Variants in CSMD1 observed in about 807,000 individuals in gnomAD.
CSMD1 encodes CUB and sushi domain-containing protein 1.
CSMD1 carries 213 observed loss-of-function variants against 417.5 expected under a neutral mutation model. That is an observed-to-expected ratio of 0.51 (90% CI 0.46 to 0.57). The LOEUF is 0.57. CSMD1 is among the 20% of genes least tolerant of loss of function. The probability of loss-of-function intolerance (pLI) is 0.00; values close to 1 mark genes in which losing one functional copy is unlikely to be tolerated. For synonymous variants in CSMD1, 2,862 were observed against 1,736.8 expected (o/e 1.65, Z -16.11); for missense variants, 6,923 against 4,529.7 (o/e 1.53, Z -15.17).
At chr8:3,307,120 T>A (rs1503279) in intron 25 of CSMD1, among the ~76,000 whole-genome samples, 4 of 152,108 alleles carry the variant, frequency 2.6e-5, no homozygotes, top group Non-Finnish European at 5.9e-5. Context: ...AAAAGAACAG[T>A]AGAGTGTATT....
chr8:4,781,359 T>C (rs1797143402), intron 1 of CSMD1, among the ~76,000 whole-genome samples: 1 of 152,200 alleles, frequency 6.6e-6, no homozygotes, highest in African/African-American at 2.4e-5. Context: ...AAGAGATCCC[T>C]TTCTAGATCA....
At chr8:4,952,297 C>G (rs1278163316) in intron 1 of CSMD1, among the ~76,000 whole-genome samples, 1 of 151,714 alleles carries the variant, frequency 6.6e-6, no homozygotes, top group Non-Finnish European at 1.5e-5. Context: ...ATATTATAAT[C>G]AAGTTAATTA....
chr8:3,129,193 T>C (rs2129025320), intron 41 of CSMD1, among the ~76,000 whole-genome samples: 1 of 152,284 alleles, frequency 6.6e-6, no homozygotes, highest in East Asian at 1.9e-4. Flanking sequence ...GACTCTGCTA[T>C]TGCAGGAGAA....
Position 4,415,855 on chromosome 8 carries a change from G to A in CSMD1, c.415+4098C>T, listed in dbSNP as rs150462800. The stretch of plus-strand genomic sequence containing the variant: ...TGTATGTGTGTATACGTAAATAAAC[G>A]TAATATATACAAGAGGAAACAGTGA... On this transcript the variant is annotated intron_variant, in intron 3 of 69. Transcript: ENST00000635120. 3.5e-3 allele frequency among the ~76,000 whole-genome samples: 529 copies of A among 152,240 alleles called. 3 individuals are homozygous for A. Among genetic ancestry groups the A allele is most frequent in the Middle Eastern group, 0.017 (5 of 294 alleles).
chr8:3,308,520 C>A lies in CSMD1; in HGVS notation c.3632-17G>T. On this transcript the variant is annotated splice_polypyrimidine_tract_variant and intron_variant, in intron 23 of 69. Coordinates refer to ENST00000635120, the MANE Select transcript of CSMD1 (RefSeq NM_033225.6). ...GATCAAAACCTGCAAGAGAGAAAGG[C>A]AAGGAATGAACAGAACTCAAGGGTG... The A allele has an allele frequency of 6.3e-7, 1 of 1,599,530 alleles. No homozygotes were observed. Among genetic ancestry groups the A allele is most frequent in the Non-Finnish European group, 8.6e-7 (1 of 1,169,580 alleles).
At chr8:4,305,343 A>G (rs932296088) in intron 3 of CSMD1, among the ~76,000 whole-genome samples, 2 of 152,286 alleles carry the variant, frequency 1.3e-5, no homozygotes, top group African/African-American at 4.8e-5. Context: ...AAGAGAAGTG[A>G]GACCCGAACT....
intron 3 of CSMD1, among the ~76,000 whole-genome samples, chr8:4,355,844 AGAG>A (rs1198149775): frequency 6.6e-6 from 1 of 152,248 alleles, no homozygotes; most frequent in African/African-American, 2.4e-5. Context: ...GGCCGAAAGT[AGAG>A]GAGCTTTGGA....
chr8:3,341,093 C>T (rs904043130), intron 23 of CSMD1, among the ~76,000 whole-genome samples: 1 of 152,128 alleles, frequency 6.6e-6, no homozygotes, highest in Non-Finnish European at 1.5e-5. Context: ...TCAAAACTTC[C>T]TAAAGTGATG....
At chr8:3,821,732 A>C (rs935096477) in intron 5 of CSMD1, among the ~76,000 whole-genome samples, 3 of 152,216 alleles carry the variant, frequency 2.0e-5, no homozygotes, top group Non-Finnish European at 4.4e-5. Context: ...CAGTGAGTTG[A>C]AATCGCACCA....
chr8:4,377,264 AC>A (rs1290436937), intron 3 of CSMD1, among the ~76,000 whole-genome samples: 3 of 152,302 alleles, frequency 2.0e-5, no homozygotes, highest in Non-Finnish European at 2.9e-5. Flanking sequence ...AGCAACTATC[AC>A]CCCTGGGACA....
chr8:3,821,067 C>T (rs1487411490), intron 5 of CSMD1, among the ~76,000 whole-genome samples: 3 of 151,956 alleles, frequency 2.0e-5, no homozygotes, highest in African/African-American at 7.3e-5. Context: ...CAGGTGTGTG[C>T]CACCACACCT....
chr8:3,289,899 C>T (rs1210890771), intron 25 of CSMD1, among the ~76,000 whole-genome samples: 1 of 147,522 alleles, frequency 6.8e-6, no homozygotes, highest in Non-Finnish European at 1.5e-5. Context: ...GAAGTCCTTA[C>T]CCATGCCTGT....
chr8:4,134,301 G>C (rs886518972), intron 3 of CSMD1, among the ~76,000 whole-genome samples: 6 of 152,126 alleles, frequency 3.9e-5, no homozygotes. Context: ...AAAGCCTTTA[G>C]GTTGGTGATT....
At chr8:3,629,163 G>A (rs1263086334) in intron 7 of CSMD1, among the ~76,000 whole-genome samples, 3 of 152,070 alleles carry the variant, frequency 2.0e-5, no homozygotes, top group East Asian at 1.9e-4. Context: ...CGGGATGTTC[G>A]CAGGACGCAG....
intron 5 of CSMD1, among the ~76,000 whole-genome samples, chr8:3,834,570 C>T (rs969296581): frequency 2.0e-5 from 3 of 152,180 alleles, no homozygotes; most frequent in Admixed American, 2.0e-4. Flanking sequence ...TGTATCCTGG[C>T]TGTATTACAA....
At chr8:4,321,427 T>G (rs1421333706) in intron 3 of CSMD1, among the ~76,000 whole-genome samples, 1 of 152,160 alleles carries the variant, frequency 6.6e-6, no homozygotes, top group Non-Finnish European at 1.5e-5. Context: ...TCCCACTTAT[T>G]GACTTGTGAC....
chr8:3,101,586 C>T (rs1433129211), intron 46 of CSMD1, among the ~76,000 whole-genome samples: 2 of 151,846 alleles, frequency 1.3e-5, no homozygotes, highest in African/African-American at 4.8e-5. Context: ...CCATGCCTGG[C>T]TAATTTTTTT....
intron 3 of CSMD1, among the ~76,000 whole-genome samples, chr8:4,355,121 G>A (rs965489992): frequency 6.6e-6 from 1 of 151,904 alleles, no homozygotes; most frequent in Non-Finnish European, 1.5e-5. Context: ...AATTAGCCGG[G>A]CGTGGTGGCG....
At chr8:3,087,039 G>C in intron 49 of CSMD1, 58 bp downstream of exon 49, 1 of 1,411,454 alleles carries the variant, frequency 7.1e-7, no homozygotes, top group Non-Finnish European at 1.0e-6. Flanking sequence ...TTCAGAGAGT[G>C]ATTAAAATGA....
Sources: gnomAD v4.1 joint callset for allele counts (sites outside exome capture counted in the v4.1 genomes callset) on GRCh38, gnomAD v4.1.1 for gene constraint, MANE v1.5 for transcripts, NCBI Gene and HGNC (gene_info 2026-07-23, HGNC 2026-07-21) for gene names.